TAFA5: variants seen among roughly 807,000 people sequenced by gnomAD.
The protein encoded by TAFA5 is TAFA chemokine like family member 5.
In TAFA5, 6 loss-of-function variants were observed where a neutral mutation model predicts 15.3. That is an observed-to-expected ratio of 0.39 (90% confidence interval 0.21 to 0.77). The LOEUF is 0.77. TAFA5 is among the 30% of genes least tolerant of loss of function. The pLI is 0.41. For synonymous variants in TAFA5, 103 were observed against 80.7 expected, an observed-to-expected ratio of 1.28 and a Z score of -1.48; for missense variants, 161 against 193.1, an observed-to-expected ratio of 0.83 and a Z score of 0.98.
intron 1 of TAFA5, among the ~76,000 whole-genome samples, chr22:48,504,581 G>T (rs574506770): frequency 6.6e-6 from 1 of 151,838 alleles, no homozygotes; most frequent in Non-Finnish European, 1.5e-5. Flanking sequence ...TTATCATTTG[G>T]GGGGAAGGAC....
At chr22:48,497,074 C>T (rs1928354004) in intron 1 of TAFA5, among the ~76,000 whole-genome samples, 1 of 152,220 alleles carries the variant, frequency 6.6e-6, no homozygotes, top group Non-Finnish European at 1.5e-5. Flanking sequence ...TGCCTGACTC[C>T]AGGTCTGGGC....
chr22:48,614,030 G>A (rs1034045301), intron 1 of TAFA5, among the ~76,000 whole-genome samples: 4 of 152,314 alleles, frequency 2.6e-5, no homozygotes, highest in East Asian at 1.9e-4. Flanking sequence ...GCCGTCAGAC[G>A]CCCTGGTTTA....
intron 3 of TAFA5, among the ~76,000 whole-genome samples, chr22:48,749,078 G>T (rs924452675): frequency 1.3e-5 from 2 of 152,180 alleles, no homozygotes; most frequent in Non-Finnish European, 2.9e-5. Flanking sequence ...ATGGGACAGG[G>T]TCTGTGTCGA....
chr22:48,688,888 AG>A (rs976267975), intron 2 of TAFA5, among the ~76,000 whole-genome samples: 2 of 151,208 alleles, frequency 1.3e-5, no homozygotes, highest in African/African-American at 4.9e-5. Context: ...GCTACTTGGG[AG>A]CCTGAGGCAG....
At chr22:48,718,062 A>G (rs1929454872) in intron 3 of TAFA5, among the ~76,000 whole-genome samples, 2 of 152,162 alleles carry the variant, frequency 1.3e-5, no homozygotes. Flanking sequence ...GTGGCCTTGC[A>G]TGGCCAGGGC....
intron 1 of TAFA5, among the ~76,000 whole-genome samples, chr22:48,491,982 T>C (rs1317790229): frequency 6.6e-6 from 1 of 152,170 alleles, no homozygotes; most frequent in Non-Finnish European, 1.5e-5. Context: ...GCTGTTTCCA[T>C]CTCCATGTAA....
chr22:48,709,584 G>A (rs1272115434), intron 3 of TAFA5, among the ~76,000 whole-genome samples: 1 of 152,156 alleles, frequency 6.6e-6, no homozygotes, highest in Non-Finnish European at 1.5e-5. Flanking sequence ...AGCCACTCTG[G>A]GTCCCAGCTT....
intron 1 of TAFA5, among the ~76,000 whole-genome samples, chr22:48,508,254 C>T (rs1394438033): frequency 6.6e-6 from 1 of 152,192 alleles, no homozygotes; most frequent in Admixed American, 6.5e-5. Flanking sequence ...TTGCAGGAGA[C>T]AGGCTGGGAG....
chr22:48,666,126 A>G (rs1192657304), intron 2 of TAFA5, among the ~76,000 whole-genome samples: 1 of 152,156 alleles, frequency 6.6e-6, no homozygotes, highest in African/African-American at 2.4e-5. Context: ...TGCAGAGGCC[A>G]CTGTGTGCCC....
In TAFA5 at chr22:48,587,945, G is replaced by A. The variant is rs531059190; in HGVS notation, c.113-58652G>A. Among the ~76,000 whole-genome samples the A allele has an allele frequency of 2.6e-5, 4 of 152,318 alleles. No individual in the cohort carries two copies. In the South Asian group the frequency reaches 6.2e-4, roughly 24 times the overall value. On this transcript the variant is annotated intron_variant, in intron 1 of 3. Transcript: ENST00000402357. ...GGCTGAACTTTCTGTCTCAGTCCCC[G>A]CACTTTCCCAGCTAGGCGGGCTCCT...
chr22:48,530,418 T>C lies in TAFA5; in HGVS notation c.112+40714T>C, dbSNP rs185625393. ...ACCGGGCACTGTCGTGGGGCCGGCA[T>C]TCAACTGAAAGGATTGGCTTCGAGT... On this transcript the variant is annotated intron_variant, in intron 1 of 3. Transcript: ENST00000402357. This position sits in a 1 kb window ranked among gnomAD's most constrained non-coding sequence, Gnocchi z 6.0. 1.6e-4 allele frequency among the ~76,000 whole-genome samples: 24 copies of C among 152,264 alleles called. No individual in the cohort carries two copies. Among genetic ancestry groups the C allele is most frequent in the Non-Finnish European group, 2.8e-4 (19 of 68,018 alleles).
chr22:48,621,228 C>T (rs1925826666), intron 1 of TAFA5, among the ~76,000 whole-genome samples: 1 of 130,960 alleles, frequency 7.6e-6, no homozygotes, highest in South Asian at 2.6e-4. Flanking sequence ...AATCCACCCA[C>T]ACACCAATTC....
chr22:48,648,294 T>C (rs1296111173), intron 2 of TAFA5, among the ~76,000 whole-genome samples: 2 of 152,088 alleles, frequency 1.3e-5, no homozygotes, highest in Non-Finnish European at 2.9e-5. Flanking sequence ...CTGACTCTGG[T>C]CAAGGGTCCT....
Position 48,539,901 on chromosome 22 carries a change from C to T in TAFA5, c.112+50197C>T, listed in dbSNP as rs563255433. Among the ~76,000 whole-genome samples the T allele has an allele frequency of 1.4e-3, 213 of 147,344 alleles. 1 individual carries two copies. The highest frequency in any genetic ancestry group is 4.7e-3 in the African/African-American group (175 of 37,326). On this transcript the variant is annotated intron_variant, in intron 1 of 3. Coordinates refer to ENST00000402357, the MANE Select transcript of TAFA5 (RefSeq NM_001082967.3). ...ACCAGTGCTGAAGGGGGCAGGGGTACAGGCAGAAGGTGGGAGGGGATGGGG... is the reference window on the plus strand; with the variant it reads ...ACCAGTGCTGAAGGGGGCAGGGGTATAGGCAGAAGGTGGGAGGGGATGGGG...
chr22:48,718,155 G>A (rs1304953338), intron 3 of TAFA5, among the ~76,000 whole-genome samples: 1 of 152,192 alleles, frequency 6.6e-6, no homozygotes, highest in Admixed American at 6.5e-5. Context: ...CCAGAGACAG[G>A]CAGGCGAGAG....
chr22:48,686,633 T>A (rs1429546080), intron 2 of TAFA5, among the ~76,000 whole-genome samples: 1 of 152,280 alleles, frequency 6.6e-6, no homozygotes, highest in East Asian at 1.9e-4. Flanking sequence ...AAAGAATGGA[T>A]GGATGGATGG....
chr22:48,657,104 C>G (rs972249846), intron 2 of TAFA5, among the ~76,000 whole-genome samples: 5 of 151,896 alleles, frequency 3.3e-5, no homozygotes, highest in Non-Finnish European at 7.4e-5. Flanking sequence ...ATGAAATTGA[C>G]AAATCTCTAG....
At chr22:48,718,834 C>T (rs1027663688) in intron 3 of TAFA5, among the ~76,000 whole-genome samples, 5 of 152,188 alleles carry the variant, frequency 3.3e-5, no homozygotes, top group African/African-American at 1.2e-4. Flanking sequence ...CCCCATCCTG[C>T]ACCAGGCTTG....
chr22:48,608,861 T>G (rs1925294719), intron 1 of TAFA5, among the ~76,000 whole-genome samples: 1 of 152,258 alleles, frequency 6.6e-6, no homozygotes, highest in African/African-American at 2.4e-5. Context: ...ATGGCAAAGC[T>G]TTCTCTGCTA....
Sources: gnomAD v4.1 joint callset for allele counts (sites outside exome capture counted in the v4.1 genomes callset) on GRCh38, gnomAD v4.1.1 for gene constraint, Gnocchi (gnomAD v3.1) non-coding constraint, MANE v1.5 for transcripts, NCBI Gene and HGNC (gene_info 2026-07-23, HGNC 2026-07-21) for gene names.